Variants in NIN observed in about 807,000 individuals in gnomAD.
NIN encodes the protein ninein.
NIN carries 137 observed loss-of-function variants against 257.6 expected under a neutral mutation model. That is an observed-to-expected ratio of 0.53 (90% CI 0.46 to 0.61). NIN has a LOEUF of 0.61. Among genes scored for constraint, NIN ranks in the 20% least tolerant of loss-of-function variants. The probability of loss-of-function intolerance (pLI) is 0.00; values close to 1 mark genes in which losing one functional copy is unlikely to be tolerated. For synonymous variants in NIN, 918 were observed against 919.8 expected (o/e 1.00, Z 0.04); for missense variants, 2,439 against 2,501.2 (o/e 0.98, Z 0.53).
At chr14:50,789,212 C>T (rs977435101) in intron 5 of NIN, among the ~76,000 whole-genome samples, 1 of 152,106 alleles carries the variant, frequency 6.6e-6, no homozygotes, top group African/African-American at 2.4e-5. Flanking sequence ...TCCCAACATC[C>T]CCAAAGAGAG....
At chr14:50,799,928 T>C (rs1054383974) in intron 4 of NIN, among the ~76,000 whole-genome samples, 4 of 151,566 alleles carry the variant, frequency 2.6e-5, no homozygotes, top group Non-Finnish European at 5.9e-5. Context: ...TGAGCCGAGA[T>C]TGCACCATTG....
chr14:50,721,626 GAAGA>G lies in NIN; in HGVS notation c.*1833_*1836del, dbSNP rs1955680820. ...ACTTACTAGAAATGTCTGCACCACA[GAAGA>G]AAGATCTAAAGAAGGCATAATAGCA... On this transcript the variant is annotated 3_prime_UTR_variant, in exon 31 of 31. Coordinates refer to ENST00000530997, the MANE Select transcript of NIN (RefSeq NM_020921.4). The G allele has an allele frequency of 4.6e-6, 1 of 217,258 alleles. No individual in the cohort carries two copies. Among genetic ancestry groups the G allele is most frequent in the African/African-American group, 2.2e-5 (1 of 44,488 alleles). 13.5% of individuals were successfully genotyped at this position (217,258 alleles called of 1,614,324 possible). A position where few individuals can be genotyped will look rare whatever the true frequency, so the allele number is the denominator to read the frequency against.
intron 29 of NIN, 91 bp from the exon 30 acceptor site, chr14:50,726,157 C>T: frequency 9.9e-7 from 1 of 1,011,100 alleles, no homozygotes; most frequent in Non-Finnish European, 1.5e-6. Context: ...GAAAGGACAG[C>T]AAATGTTTTG....
intron 3 of NIN, among the ~76,000 whole-genome samples, chr14:50,815,832 A>G (rs905626437): frequency 6.6e-6 from 1 of 152,148 alleles, no homozygotes; most frequent in Non-Finnish European, 1.5e-5. Flanking sequence ...ACATGGAGAA[A>G]GCCCATCTCT....
intron 4 of NIN, among the ~76,000 whole-genome samples, chr14:50,798,563 C>A (rs749481661): frequency 1.3e-4 from 20 of 152,200 alleles, no homozygotes; most frequent in Non-Finnish European, 2.5e-4. Flanking sequence ...TTTCCCCAAC[C>A]TTTTCATAGG....
chr14:50,744,207 T>C, intron 23 of NIN, 36 bp downstream of exon 23: 1 of 1,608,622 alleles, frequency 6.2e-7, no homozygotes, highest in Non-Finnish European at 8.5e-7. Context: ...GTGTGTATTG[T>C]ATACGATGAT....
chr14:50,811,008 T>C (rs1566872533), intron 3 of NIN, among the ~76,000 whole-genome samples: 1 of 151,774 alleles, frequency 6.6e-6, no homozygotes, highest in Non-Finnish European at 1.5e-5. Flanking sequence ...AAAGACAACA[T>C]GTGCATTCAA....
intron 3 of NIN, among the ~76,000 whole-genome samples, chr14:50,818,253 G>A (rs1160827081): frequency 6.7e-6 from 1 of 150,002 alleles, no homozygotes; most frequent in Non-Finnish European, 1.5e-5. Flanking sequence ...AACCCGGGAG[G>A]CGGAGCTTGC....
intron 4 of NIN, 83 bp from the exon 5 acceptor site, chr14:50,792,964 T>A: frequency 1.4e-6 from 2 of 1,396,326 alleles, no homozygotes; most frequent in Non-Finnish European, 1.0e-6. Context: ...GGACACAGCC[T>A]CTTATACCAA....
intron 4 of NIN, chr14:50,806,532 G>T: frequency 2.5e-6 from 1 of 399,098 alleles, no homozygotes; most frequent in Non-Finnish European, 4.3e-6. Flanking sequence ...ATAATACTAT[G>T]CTGCTGTAGT....
chr14:50,789,854 T>G (rs1196746620), intron 5 of NIN, among the ~76,000 whole-genome samples: 1 of 152,082 alleles, frequency 6.6e-6, no homozygotes, highest in Non-Finnish European at 1.5e-5. Flanking sequence ...AAGCCTAATA[T>G]GGAAACTGAC....
chr14:50,768,947 G>C (rs141345519), intron 12 of NIN, among the ~76,000 whole-genome samples: 2 of 152,326 alleles, frequency 1.3e-5, no homozygotes, highest in East Asian at 1.9e-4. Flanking sequence ...AGGCTGATGA[G>C]TAATCATGAG....
At chr14:50,790,629 A>T (rs1314653333) in intron 5 of NIN, among the ~76,000 whole-genome samples, 1 of 152,200 alleles carries the variant, frequency 6.6e-6, no homozygotes, top group Non-Finnish European at 1.5e-5. Context: ...CTCTATTTGC[A>T]GTTCTGCTGA....
At chr14:50,766,047 T>A (rs1438478375) in intron 14 of NIN, among the ~76,000 whole-genome samples, 2 of 132,952 alleles carry the variant, frequency 1.5e-5, no homozygotes, top group African/African-American at 5.5e-5. Context: ...CCCCTTCCTG[T>A]GTCCATGTGA....
intron 18 of NIN, 40 bp downstream of exon 18, chr14:50,756,452 C>A (rs760340405): frequency 2.6e-6 from 4 of 1,542,632 alleles, no homozygotes; most frequent in African/African-American, 1.4e-5. Context: ...TGGTGAGGTG[C>A]TCTGTGGGAT....
chr14:50,734,211 T>C (rs1269235304), intron 28 of NIN, among the ~76,000 whole-genome samples: 2 of 151,638 alleles, frequency 1.3e-5, no homozygotes, highest in Admixed American at 1.3e-4. Context: ...TGCCTCAGCC[T>C]CCCAAGTAGC....
At chr14:50,821,015 T>C (rs2045190142) in intron 3 of NIN, among the ~76,000 whole-genome samples, 1 of 152,212 alleles carries the variant, frequency 6.6e-6, no homozygotes, top group African/African-American at 2.4e-5. Flanking sequence ...TTATACGTGA[T>C]AAAAACCAGA....
At chr14:50,827,907 C>T (rs1318533593) in intron 2 of NIN, among the ~76,000 whole-genome samples, 2 of 151,236 alleles carry the variant, frequency 1.3e-5, no homozygotes, top group Admixed American at 6.6e-5. Flanking sequence ...TAAACCCATG[C>T]TTTTGTTCAA....
At position 50,757,776 on chromosome 14, in the gene NIN, G is replaced by C. The variant is rs2042099088; in HGVS notation, c.3254C>G (p.Ala1085Gly). 1.2e-6 allele frequency: 2 copies of C among 1,614,126 alleles called. No individual in the cohort carries two copies. Among genetic ancestry groups the C allele is most frequent in the African/African-American group, 1.3e-5 (1 of 74,998 alleles). ...CTGTTGCAATCTAGAAATTTCAGTA[G>C]CCATTTTCACATTTTCCTTCACTGC... ...EQAVKENVKMATEISRLQQRL... is the reference protein window; with the variant it reads ...EQAVKENVKMGTEISRLQQRL... The change falls in exon 18 of 31, where the codon GCT (alanine) becomes GGT (glycine). Residue 1085 changes from alanine (A) to glycine (G), a missense_variant. Transcript: ENST00000530997.
Sources: allele counts gnomAD v4.1 joint callset (sites outside exome capture counted in the v4.1 genomes callset), GRCh38; gene constraint gnomAD v4.1.1; transcripts MANE v1.5; gene names NCBI Gene and HGNC (gene_info 2026-07-23, HGNC 2026-07-21).